The following ZFYVE9 variants were observed in gnomAD, a reference collection of about 807,000 sequenced individuals.
ZFYVE9 encodes the protein zinc finger FYVE-type containing 9, also known as zinc finger FYVE domain-containing protein 9.
ZFYVE9 carries 43 observed loss-of-function variants against 126.7 expected under a neutral mutation model. That is an observed-to-expected ratio of 0.34 (90% CI 0.27 to 0.44). The LOEUF (loss-of-function observed/expected upper bound fraction) is 0.44. Among genes scored for constraint, ZFYVE9 ranks in the 20% least tolerant of loss-of-function variants. The pLI, the probability that ZFYVE9 is intolerant of heterozygous loss-of-function variation, is 1.00. For synonymous variants in ZFYVE9, 521 were observed against 597.4 expected, an observed-to-expected ratio of 0.87 and a Z score of 1.87; for missense variants, 1,476 against 1,697.0, an observed-to-expected ratio of 0.87 and a Z score of 2.29.
rs138274225 is a variant in ZFYVE9 at position 52,221,707 on chromosome 1, G to A, written c.-37+5233G>A. Among the ~76,000 whole-genome samples the A allele has an allele frequency of 5.7e-3, 875 of 152,280 alleles. 15 individuals are homozygous for A. Among genetic ancestry groups the A allele is most frequent in the African/African-American group, 0.02 (840 of 41,546 alleles). On this transcript the variant is annotated intron_variant, in intron 2 of 18. Coordinates refer to ENST00000287727, the MANE Select transcript of ZFYVE9 (RefSeq NM_004799.4). ...CCATTGGTGGCCTCCGTGTTTGTGG[G>A]TGAGTACTCCTAAGGCCACTCCTTT...
intron 13 of ZFYVE9, among the ~76,000 whole-genome samples, chr1:52,308,038 C>T (rs1255597972): frequency 6.6e-6 from 1 of 152,208 alleles, no homozygotes; most frequent in Non-Finnish European, 1.5e-5. Flanking sequence ...AGGCGTGAGC[C>T]ACTGTGCCCG....
intron 1 of ZFYVE9, among the ~76,000 whole-genome samples, chr1:52,166,810 A>G (rs917177178): frequency 4.6e-5 from 7 of 152,154 alleles, no homozygotes; most frequent in African/African-American, 1.7e-4. Context: ...CTGAGGTGGG[A>G]GGATCACCCG....
intron 1 of ZFYVE9, among the ~76,000 whole-genome samples, chr1:52,149,332 A>G (rs936544617): frequency 2.0e-5 from 3 of 152,146 alleles, no homozygotes; most frequent in African/African-American, 7.2e-5. Context: ...AAAACCTCAT[A>G]GGAAGGCTTT....
intron 1 of ZFYVE9, among the ~76,000 whole-genome samples, chr1:52,146,382 C>G (rs770075315): frequency 5.9e-5 from 9 of 152,098 alleles, no homozygotes; most frequent in Non-Finnish European, 7.4e-5. Context: ...TTTCAAAAAA[C>G]TCTCAATTTA....
At chr1:52,220,839 G>A (rs1228235926) in intron 2 of ZFYVE9, among the ~76,000 whole-genome samples, 3 of 152,154 alleles carry the variant, frequency 2.0e-5, no homozygotes, top group African/African-American at 7.2e-5. Flanking sequence ...AGGGATAGAT[G>A]GAAAATGGGT....
chr1:52,173,064 A>G (rs1644588773), intron 1 of ZFYVE9, among the ~76,000 whole-genome samples: 1 of 151,608 alleles, frequency 6.6e-6, no homozygotes, highest in South Asian at 2.1e-4. Context: ...GAGAGAGGGC[A>G]TCCCTGTCTT....
Position 52,292,469 on chromosome 1 carries a change from C to CTTTTTTTT in ZFYVE9, c.3026-969_3026-962dup, listed in dbSNP as rs1159852399. On this transcript the variant is annotated intron_variant, in intron 10 of 18. Coordinates refer to ENST00000287727, the MANE Select transcript of ZFYVE9 (RefSeq NM_004799.4). ...CAGCAGCTTCCTAATCTGAACATTT[C>CTTTTTTTT]TTTTTTTTTTTTTTTTTTTTTTGAG... Among the ~76,000 whole-genome samples the CTTTTTTTT allele has an allele frequency of 7.8e-5, 8 of 102,034 alleles. 1 individual carries two copies. Among genetic ancestry groups the CTTTTTTTT allele is most frequent in the African/African-American group, 2.0e-4 (5 of 24,584 alleles). The allele number at this position is 102,034 out of a possible 152,430, so 66.9% of individuals were successfully genotyped here.
At chr1:52,300,035 G>C (rs1358570516) in intron 12 of ZFYVE9, among the ~76,000 whole-genome samples, 1 of 152,130 alleles carries the variant, frequency 6.6e-6, no homozygotes, top group African/African-American at 2.4e-5. Flanking sequence ...CCTGACTCCA[G>C]GCCACTCCTT....
chr1:52,337,622 T>C (rs1435807858), intron 15 of ZFYVE9, 150 bp from the exon 16 acceptor site: 16 of 746,080 alleles, frequency 2.1e-5, no homozygotes, highest in Non-Finnish European at 2.9e-5. Context: ...CACAACACTT[T>C]CAGTAAGAGG....
chr1:52,331,633 T>C (rs947353837), intron 13 of ZFYVE9, among the ~76,000 whole-genome samples: 2 of 150,078 alleles, frequency 1.3e-5, no homozygotes, highest in Non-Finnish European at 3.0e-5. Flanking sequence ...GCACTTGTAG[T>C]CCCAGCTACT....
At chr1:52,259,608 C>T (rs146044303) in intron 4 of ZFYVE9, among the ~76,000 whole-genome samples, 10,493 of 141,528 alleles carry the variant, frequency 0.074, 471 homozygotes, top group African/African-American at 0.13. Context: ...GCCAACATGG[C>T]GAAACCCTGT....
chr1:52,332,886 A>G lies in ZFYVE9; in HGVS notation c.3557A>G (p.Gln1186Arg). 1.9e-6 allele frequency: 3 copies of G among 1,614,180 alleles called. No individual in the cohort carries two copies. Among genetic ancestry groups the G allele is most frequent in the South Asian group, 2.2e-5 (2 of 91,084 alleles). The stretch of plus-strand genomic sequence containing the variant: ...AATGATGATGGAAACTATCAGACCC[A>G]GGCTATCAGTATTCACAATCAGCCC... ...VQNDDGNYQTQAISIHNQPRK... is the reference protein window; with the variant it reads ...VQNDDGNYQTRAISIHNQPRK... Residue 1186 changes from glutamine (Q) to arginine (R), a missense_variant, in exon 14 of 19, where the codon CAG becomes CGG. By Grantham distance (43) the Gln-to-Arg change is conservative. Around this residue, in one of 2 missense-constraint regions of ZFYVE9, gnomAD observed 669 missense variants for 902.4 expected, o/e 0.74. Transcript: ENST00000287727.
intron 2 of ZFYVE9, among the ~76,000 whole-genome samples, chr1:52,220,941 C>CAA (rs1221135460): frequency 2.0e-5 from 3 of 152,172 alleles, no homozygotes; most frequent in African/African-American, 7.2e-5. Flanking sequence ...TGTCCTGGGA[C>CAA]ATGGACAACT....
At chr1:52,155,657 T>C (rs975258630) in intron 1 of ZFYVE9, among the ~76,000 whole-genome samples, 7 of 152,180 alleles carry the variant, frequency 4.6e-5, no homozygotes, top group Non-Finnish European at 5.9e-5. Flanking sequence ...TCCAACAGCA[T>C]AGGGATTGCT....
intron 7 of ZFYVE9, among the ~76,000 whole-genome samples, chr1:52,269,406 A>G (rs1473896646): frequency 6.6e-6 from 1 of 152,174 alleles, no homozygotes; most frequent in African/African-American, 2.4e-5. Flanking sequence ...CTAGGATTAC[A>G]GGTGTGAGCC....
At chr1:52,314,939 G>A (rs1017538191) in intron 13 of ZFYVE9, among the ~76,000 whole-genome samples, 2 of 152,256 alleles carry the variant, frequency 1.3e-5, no homozygotes, top group East Asian at 1.9e-4. Context: ...AGCTGAGATC[G>A]TGCCACTGAG....
chr1:52,307,753 T>C (rs1288857801), intron 13 of ZFYVE9, among the ~76,000 whole-genome samples: 7 of 140,548 alleles, frequency 5.0e-5, no homozygotes, highest in African/African-American at 1.9e-4. Context: ...TTTTTTCTTC[T>C]TTTTTTTTTT....
intron 1 of ZFYVE9, chr1:52,190,308 A>C (rs181007760): frequency 1.1e-4 from 17 of 152,302 alleles, no homozygotes; most frequent in Admixed American, 6.5e-4. Flanking sequence ...AATTGTTTTC[A>C]TTCTTGCAGT....
At chr1:52,257,771 G>A (rs1002746651) in intron 4 of ZFYVE9, among the ~76,000 whole-genome samples, 1 of 152,168 alleles carries the variant, frequency 6.6e-6, no homozygotes, top group Non-Finnish European at 1.5e-5. Flanking sequence ...TTTCGCTCTT[G>A]TCTCCCAGGC....
Sources: gnomAD v4.1 joint callset for allele counts (sites outside exome capture counted in the v4.1 genomes callset) on GRCh38, gnomAD v4.1.1 for gene constraint, gnomAD v4.1.1 regional missense constraint, MANE v1.5 for transcripts, NCBI Gene and HGNC (gene_info 2026-07-23, HGNC 2026-07-21) for gene names.